Variants in FBXL7 observed in about 807,000 individuals in gnomAD.
FBXL7 encodes the protein F-box and leucine rich repeat protein 7, also known as F-box/LRR-repeat protein 7.
In FBXL7, 12 loss-of-function variants were observed where a neutral mutation model predicts 38.3. The ratio of observed to expected loss-of-function variants is 0.31; its 90% CI spans 0.20 to 0.51. The LOEUF is 0.51. Among genes scored for constraint, FBXL7 ranks in the 20% least tolerant of loss-of-function variants. FBXL7 has a pLI of 0.98. For missense variants in FBXL7, 567 were observed against 676.4 expected (o/e 0.84, Z 1.79); for synonymous variants, 297 against 300.9 (o/e 0.99, Z 0.13).
At chr5:15,670,752 G>A (rs4129028) in intron 2 of FBXL7, among the ~76,000 whole-genome samples, 23,240 of 151,822 alleles carry the variant, frequency 0.15, 1,895 homozygotes, top group Non-Finnish European at 0.18. Flanking sequence ...AGTGAGCCAA[G>A]ATCATGCCAC....
chr5:15,543,995 G>A (rs1737832276), intron 1 of FBXL7, among the ~76,000 whole-genome samples: 1 of 152,184 alleles, frequency 6.6e-6, no homozygotes, highest in Non-Finnish European at 1.5e-5. Context: ...GGGAGGTGGG[G>A]AAGCAGTTTT....
intron 2 of FBXL7, among the ~76,000 whole-genome samples, chr5:15,751,097 C>G (rs1374196789): frequency 1.3e-5 from 2 of 151,988 alleles, no homozygotes; most frequent in African/African-American, 4.8e-5. Flanking sequence ...TGTTGTGGTT[C>G]CAAGGTGCTA....
rs550151976 is a variant in FBXL7, at chr5:15,844,110, G to T, written c.128-83780G>T. On this transcript the variant is annotated intron_variant, in intron 2 of 3. Transcript: ENST00000504595. ...CCAACTGTGGCAATTTAGCACAGGA[G>T]GGGGGACACACTAAGAAGGTGGGAA... 2.8e-3 allele frequency among the ~76,000 whole-genome samples: 419 copies of T among 152,242 alleles called. 1 individual carries two copies. Among genetic ancestry groups the T allele is most frequent in the African/African-American group, 9.4e-3 (391 of 41,536 alleles).
At chr5:15,517,946 T>C (rs1475478751) in intron 1 of FBXL7, among the ~76,000 whole-genome samples, 1 of 152,186 alleles carries the variant, frequency 6.6e-6, no homozygotes, top group Non-Finnish European at 1.5e-5. Context: ...GGCGTCTTGC[T>C]GCTGACACAG....
intron 1 of FBXL7, among the ~76,000 whole-genome samples, chr5:15,562,025 T>C (rs1426650126): frequency 6.6e-6 from 1 of 152,040 alleles, no homozygotes; most frequent in African/African-American, 2.4e-5. Context: ...ATAATGCAGA[T>C]AAGAATAGTC....
chr5:15,895,251 AATC>A (rs1007241750), intron 2 of FBXL7, among the ~76,000 whole-genome samples: 4 of 152,106 alleles, frequency 2.6e-5, no homozygotes, highest in Non-Finnish European at 5.9e-5. Context: ...GATTATAGAT[AATC>A]ATTTTTCCTC....
At chr5:15,841,202 G>T (rs16867783) in intron 2 of FBXL7, among the ~76,000 whole-genome samples, 1 of 151,470 alleles carries the variant, frequency 6.6e-6, no homozygotes, top group African/African-American at 2.4e-5. Context: ...TGGTTTTTTT[G>T]GTAGTGGTTG....
intron 2 of FBXL7, among the ~76,000 whole-genome samples, chr5:15,770,413 A>C (rs184098352): frequency 6.6e-6 from 1 of 152,328 alleles, no homozygotes; most frequent in East Asian, 1.9e-4. Context: ...GAACAAATGC[A>C]TCTGGTGCCT....
intron 2 of FBXL7, among the ~76,000 whole-genome samples, chr5:15,706,122 C>G (rs1316577546): frequency 5.9e-5 from 9 of 152,230 alleles, no homozygotes; most frequent in Non-Finnish European, 5.9e-5. Flanking sequence ...GGGTATGATA[C>G]AGTTTGTATA....
chr5:15,540,578 T>C (rs1737711559), intron 1 of FBXL7, among the ~76,000 whole-genome samples: 1 of 152,216 alleles, frequency 6.6e-6, no homozygotes, highest in Admixed American at 6.5e-5. Context: ...GATGTTCACC[T>C]GGTATCTTGT....
chr5:15,937,131 T>C lies in FBXL7; in HGVS notation c.1421T>C (p.Val474Ala), dbSNP rs1367854260. 6.2e-6 allele frequency: 10 copies of C among 1,610,930 alleles called. No homozygotes were observed. The highest frequency in any genetic ancestry group is 8.5e-6 in the Non-Finnish European group (10 of 1,177,930). The change falls in exon 4 of 4, where the codon GTC becomes GCC. Residue 474 changes from valine (V) to alanine (A), a missense_variant. By Grantham distance (64) the Val-to-Ala change is moderately conservative. Coordinates refer to ENST00000504595, the MANE Select transcript of FBXL7 (RefSeq NM_012304.5). Reference protein sequence around the residue: ...CEVSVEALRFVKRHCKRCVIE... With the variant: ...CEVSVEALRFAKRHCKRCVIE... ...GTCTCCGTGGAGGCCCTGCGCTTTG[T>C]CAAACGCCACTGCAAGCGCTGCGTC...
At chr5:15,568,462 T>G (rs1480829401) in intron 1 of FBXL7, among the ~76,000 whole-genome samples, 3 of 152,164 alleles carry the variant, frequency 2.0e-5, no homozygotes, top group Non-Finnish European at 2.9e-5. Flanking sequence ...TAAATTTGTT[T>G]GAGTTCATTG....
intron 2 of FBXL7, among the ~76,000 whole-genome samples, chr5:15,694,592 A>G (rs1743275305): frequency 6.6e-6 from 1 of 152,206 alleles, no homozygotes; most frequent in Non-Finnish European, 1.5e-5. Flanking sequence ...ATCTTTTCCC[A>G]AATAGGTACA....
intron 2 of FBXL7, among the ~76,000 whole-genome samples, chr5:15,816,563 T>G: frequency 6.6e-6 from 1 of 152,182 alleles, no homozygotes; most frequent in East Asian, 1.9e-4. Context: ...ATGACTCCAG[T>G]GACAGATGCA....
chr5:15,683,872 A>G (rs963634918), intron 2 of FBXL7, among the ~76,000 whole-genome samples: 2 of 152,144 alleles, frequency 1.3e-5, no homozygotes, highest in Non-Finnish European at 2.9e-5. Context: ...TTCCCCCTAT[A>G]TGTTTGGATT....
At chr5:15,770,698 C>T (rs1448971949) in intron 2 of FBXL7, among the ~76,000 whole-genome samples, 1 of 152,134 alleles carries the variant, frequency 6.6e-6, no homozygotes. Context: ...TCATATTATT[C>T]TTGTAGGTAT....
chr5:15,902,955 A>G (rs1178593203), intron 2 of FBXL7, among the ~76,000 whole-genome samples: 1 of 152,248 alleles, frequency 6.6e-6, no homozygotes, highest in Non-Finnish European at 1.5e-5. Context: ...ACTAGTGTCC[A>G]ACCCACCACG....
chr5:15,782,191 G>A (rs1169768888), intron 2 of FBXL7, among the ~76,000 whole-genome samples: 1 of 152,098 alleles, frequency 6.6e-6, no homozygotes, highest in African/African-American at 2.4e-5. Context: ...GTATTCCATG[G>A]TGTGTATGTG....
intron 1 of FBXL7, among the ~76,000 whole-genome samples, chr5:15,614,274 CT>C (rs375128237): frequency 6.2e-4 from 78 of 126,462 alleles, no homozygotes; most frequent in South Asian, 7.9e-4. Flanking sequence ...CTTTTCTTTT[CT>C]TTTTTTTTTT....
Sources: gnomAD v4.1 joint callset for allele counts (sites outside exome capture counted in the v4.1 genomes callset) on GRCh38, gnomAD v4.1.1 for gene constraint, MANE v1.5 for transcripts, NCBI Gene and HGNC (gene_info 2026-07-23, HGNC 2026-07-21) for gene names.